The following SMG1 variants were observed in gnomAD, a reference collection of about 807,000 sequenced individuals.
SMG1 encodes serine/threonine-protein kinase SMG1.
A neutral mutation model predicts 419.9 loss-of-function variants in SMG1; 22 were observed. The observed-to-expected ratio is 0.05, with a 90% CI of 0.04 to 0.07. The LOEUF (loss-of-function observed/expected upper bound fraction) is 0.07. Ranked by LOEUF, SMG1 falls within the 10% of genes least tolerant of loss-of-function variation. The probability of loss-of-function intolerance (pLI) is 1.00; values close to 1 mark genes in which losing one functional copy is unlikely to be tolerated. For missense variants in SMG1, 3,185 were observed against 4,342.0 expected (o/e 0.73, Z 7.49); for synonymous variants, 1,538 against 1,553.5 (o/e 0.99, Z 0.23).
At chr16:18,832,239 TC>T (rs2033236392) in intron 51 of SMG1, among the ~76,000 whole-genome samples, 1 of 152,134 alleles carries the variant, frequency 6.6e-6, no homozygotes, top group South Asian at 2.1e-4. Flanking sequence ...AGGCCCTGAG[TC>T]ACTAGGCACA....
chr16:18,848,898 C>G (rs1454946726), intron 36 of SMG1, among the ~76,000 whole-genome samples: 1 of 151,410 alleles, frequency 6.6e-6, no homozygotes, highest in Admixed American at 6.6e-5. Flanking sequence ...TGGTGAAACC[C>G]CGACTCTACT....
chr16:18,841,154 T>C (rs530503868), intron 41 of SMG1, among the ~76,000 whole-genome samples: 48 of 152,006 alleles, frequency 3.2e-4, no homozygotes, highest in Non-Finnish European at 4.6e-4. Context: ...AATCCCAGCA[T>C]TTTGGGAGGC....
intron 51 of SMG1, among the ~76,000 whole-genome samples, chr16:18,831,909 G>A (rs2033211372): frequency 6.6e-6 from 1 of 151,440 alleles, no homozygotes; most frequent in Non-Finnish European, 1.5e-5. Flanking sequence ...TTAACATTAA[G>A]GAATTATTGC....
chr16:18,819,492 G>A lies in SMG1; in HGVS notation c.9894+10C>T. ...GTGAATACAAAGATGGTGCATGTAA[G>A]TCACAATACCTGACTTGCTCTTTGG... On this transcript the variant is annotated intron_variant, in intron 56 of 62. Coordinates refer to ENST00000446231, the MANE Select transcript of SMG1 (RefSeq NM_015092.5). 5 of 1,608,870 alleles carry A rather than the reference G, an allele frequency of 3.1e-6. No homozygotes were observed. The highest frequency in any genetic ancestry group is 4.2e-6 in the Non-Finnish European group (5 of 1,177,324).
intron 15 of SMG1, among the ~76,000 whole-genome samples, chr16:18,871,955 G>A (rs975977833): frequency 6.6e-6 from 1 of 151,846 alleles, no homozygotes; most frequent in East Asian, 1.9e-4. Context: ...TGAAACACTG[G>A]GGGGTGGGGG....
chr16:18,902,656 T>C (rs1343222374), intron 1 of SMG1, among the ~76,000 whole-genome samples: 1 of 150,638 alleles, frequency 6.6e-6, no homozygotes, highest in African/African-American at 2.4e-5. Flanking sequence ...CAGTGAGCTG[T>C]GATCATGCCA....
intron 10 of SMG1, among the ~76,000 whole-genome samples, chr16:18,880,625 G>C (rs1457264409): frequency 6.7e-6 from 1 of 148,444 alleles, no homozygotes; most frequent in African/African-American, 2.5e-5. Flanking sequence ...TGAGGTGGGA[G>C]GATCACTTAA....
chr16:18,852,955 A>G (rs2034682227), intron 31 of SMG1, among the ~76,000 whole-genome samples: 1 of 152,242 alleles, frequency 6.6e-6, no homozygotes, highest in Non-Finnish European at 1.5e-5. Context: ...GAAGATTTAT[A>G]ATGACCACAA....
chr16:18,925,907 G>C (rs2142058920), intron 1 of SMG1, 43 bp downstream of exon 1: 1 of 1,445,992 alleles, frequency 6.9e-7, no homozygotes, highest in East Asian at 2.8e-5. Flanking sequence ...CGCCCGAGGC[G>C]GAGCCCGGGA....
chr16:18,863,894 G>A (rs548969038), intron 24 of SMG1, 43 bp from the exon 25 acceptor site: 10 of 1,592,420 alleles, frequency 6.3e-6, no homozygotes, highest in Admixed American at 3.4e-5. Context: ...ATTCAGATCA[G>A]TTAGAAATAT....
chr16:18,815,935 A>G, intron 58 of SMG1: 1 of 459,684 alleles, frequency 2.2e-6, no homozygotes. Context: ...CACTGGAGGG[A>G]AGAGACAACA....
chr16:18,805,335 G>T lies in SMG1; in HGVS notation c.*4234C>A, dbSNP rs1280920982. ...CTAAAAGTGTGCATTTCAGAACATA[G>T]AATTCTTCTAAGTTTACCATCTTCA... On this transcript the variant is annotated 3_prime_UTR_variant, in exon 63 of 63. Transcript: ENST00000446231. The T allele has an allele frequency of 6.6e-6, 1 of 152,094 alleles. No individual in the cohort carries two copies. The highest frequency in any genetic ancestry group is 1.5e-5 in the Non-Finnish European group (1 of 68,006). 9.4% of individuals were successfully genotyped at this position (152,094 alleles called of 1,614,324 possible).
rs1270174255 is a variant in SMG1 at position 18,819,662 on chromosome 16, A to AGC, written c.9742-10_9742-9dup. On this transcript the variant is annotated splice_polypyrimidine_tract_variant and intron_variant, in intron 55 of 62. Coordinates refer to ENST00000446231, the MANE Select transcript of SMG1 (RefSeq NM_015092.5). ...AAGTGCAGCTAGCTTCTCCTATAAA[A>AGC]GCCAGCAGAATCTTGGTGAAGGTAT... 5.2e-6 allele frequency: 8 copies of AGC among 1,544,822 alleles called. No individual in the cohort carries two copies. Among genetic ancestry groups the AGC allele is most frequent in the Non-Finnish European group, 7.0e-6 (8 of 1,146,456 alleles).
At chr16:18,923,363 G>A (rs2038269973) in intron 1 of SMG1, among the ~76,000 whole-genome samples, 1 of 152,060 alleles carries the variant, frequency 6.6e-6, no homozygotes, top group South Asian at 2.1e-4. Flanking sequence ...AGCCTAAATC[G>A]GCTGAGTGCG....
rs761610142 is a variant in SMG1, at chr16:18,838,087, C to T, written c.7340G>A (p.Ser2447Asn). ...VYGGGGQQAE[S>N]KQSKREMERE... ...CTCCATCTCTCTCTTGCTCTGCTTG[C>T]TCTCGGCCTGCTGGCCACCTCCACC... Residue 2447 changes from serine (S) to asparagine (N), a missense_variant, in exon 45 of 63, where the codon AGC becomes AAC. Physicochemically the swap from Ser to Asn is conservative, Grantham distance 46. Coordinates refer to ENST00000446231, the MANE Select transcript of SMG1 (RefSeq NM_015092.5). The T allele has an allele frequency of 6.2e-7, 1 of 1,613,996 alleles. No homozygotes were observed. Among genetic ancestry groups the T allele is most frequent in the Admixed American group, 1.7e-5 (1 of 60,022 alleles).
chr16:18,909,506 G>A (rs1261703299), intron 1 of SMG1, among the ~76,000 whole-genome samples: 4 of 152,094 alleles, frequency 2.6e-5, no homozygotes, highest in Non-Finnish European at 2.9e-5. Flanking sequence ...CAGTGAGACT[G>A]TGTCTCTAAA....
intron 25 of SMG1, among the ~76,000 whole-genome samples, chr16:18,863,399 T>C (rs553783142): frequency 6.6e-6 from 1 of 152,380 alleles, no homozygotes; most frequent in East Asian, 1.9e-4. Flanking sequence ...CTTCAAACTG[T>C]ATTAAGGTTT....
chr16:18,924,210 GAAAC>G (rs2038303345), intron 1 of SMG1, among the ~76,000 whole-genome samples: 1 of 152,112 alleles, frequency 6.6e-6, no homozygotes. Flanking sequence ...GCACTTGAAA[GAAAC>G]AACATGGATA....
Position 18,863,632 on chromosome 16 carries a change from G to A in SMG1, c.3695+18C>T. 1 of 1,590,150 alleles carries A rather than the reference G, an allele frequency of 6.3e-7. No homozygotes were observed. The highest frequency in any genetic ancestry group is 1.1e-5 in the South Asian group (1 of 90,804). ...GTTATTGGAAATTTGTTTTATAACT[G>A]GAAAAAGTAAGCCTTACTTTATATA... On this transcript the variant is annotated intron_variant, in intron 25 of 62. Coordinates refer to ENST00000446231, the MANE Select transcript of SMG1 (RefSeq NM_015092.5).
Sources: gnomAD v4.1 joint callset for allele counts (sites outside exome capture counted in the v4.1 genomes callset) on GRCh38, gnomAD v4.1.1 for gene constraint, MANE v1.5 for transcripts, NCBI Gene and HGNC (gene_info 2026-07-23, HGNC 2026-07-21) for gene names.